Variants in UVRAG observed in about 807,000 individuals in gnomAD.
The protein encoded by UVRAG is UV radiation resistance associated, also known as UV radiation resistance-associated gene protein.
In UVRAG, 19 loss-of-function variants were observed where a neutral mutation model predicts 78.0. The observed-to-expected ratio is 0.24, with a 90% CI of 0.17 to 0.36. UVRAG has a LOEUF of 0.36. UVRAG is among the 10% of genes least tolerant of loss of function. The probability of loss-of-function intolerance (pLI) is 1.00; values close to 1 mark genes in which losing one functional copy is unlikely to be tolerated. For missense variants in UVRAG, 740 were observed against 853.8 expected (o/e 0.87, Z 1.66); for synonymous variants, 323 against 324.6 (o/e 1.00, Z 0.05).
chr11:75,875,463 T>C (rs1946748733), intron 3 of UVRAG, among the ~76,000 whole-genome samples: 1 of 151,108 alleles, frequency 6.6e-6, no homozygotes, highest in African/African-American at 2.5e-5. Context: ...TTTAAACCTG[T>C]GAATTAGTTT....
intron 4 of UVRAG, among the ~76,000 whole-genome samples, chr11:75,887,703 T>C (rs1947117222): frequency 1.3e-5 from 2 of 152,258 alleles, no homozygotes; most frequent in South Asian, 4.1e-4. Flanking sequence ...CGCCTTGGCC[T>C]CCCAAAGTGC....
In UVRAG at chr11:75,949,782, TAC is replaced by T. The variant is rs35811055; in HGVS notation, c.594-11650_594-11649del. On this transcript the variant is annotated intron_variant, in intron 6 of 14. Coordinates refer to ENST00000356136, the MANE Select transcript of UVRAG (RefSeq NM_003369.4). ...ATGTATACATATATACACATATATA[TAC>T]ACACACACACATATACACACAGTTT... Among the ~76,000 whole-genome samples, 222 of 150,294 alleles carry T rather than the reference TAC, an allele frequency of 1.5e-3. 1 individual carries two copies. The highest frequency in any genetic ancestry group is 2.7e-3 in the African/African-American group (111 of 40,868).
At chr11:76,039,319 G>A (rs1408986045) in intron 12 of UVRAG, among the ~76,000 whole-genome samples, 1 of 152,076 alleles carries the variant, frequency 6.6e-6, no homozygotes, top group Non-Finnish European at 1.5e-5. Flanking sequence ...GAAAATGAAA[G>A]GAATTTCCTT....
chr11:75,922,089 A>T (rs1947992384), intron 6 of UVRAG, among the ~76,000 whole-genome samples: 1 of 152,100 alleles, frequency 6.6e-6, no homozygotes, highest in Non-Finnish European at 1.5e-5. Flanking sequence ...GACCAATCTT[A>T]TTGGAATTTT....
chr11:76,060,406 T>C (rs1951060399), intron 12 of UVRAG, among the ~76,000 whole-genome samples: 1 of 152,254 alleles, frequency 6.6e-6, no homozygotes, highest in Admixed American at 6.5e-5. Flanking sequence ...GGTGACAGCG[T>C]GCTGACAGCC....
At chr11:76,079,938 G>C (rs764766287) in intron 13 of UVRAG, among the ~76,000 whole-genome samples, 4 of 152,234 alleles carry the variant, frequency 2.6e-5, no homozygotes, top group Admixed American at 2.0e-4. Flanking sequence ...AATTAATAAA[G>C]AAAAGAGATT....
At chr11:75,816,148 T>C (rs1945259003) in intron 1 of UVRAG, among the ~76,000 whole-genome samples, 1 of 152,208 alleles carries the variant, frequency 6.6e-6, no homozygotes, top group Non-Finnish European at 1.5e-5. Context: ...ACTTTTTCCT[T>C]CTTCATTCCC....
At chr11:76,113,516 ATAG>A (rs1308476363) in intron 13 of UVRAG, among the ~76,000 whole-genome samples, 1 of 151,002 alleles carries the variant, frequency 6.6e-6, no homozygotes, top group East Asian at 1.9e-4. Flanking sequence ...TTTGGGGTAG[ATAG>A]TAGAGCAGAG....
intron 1 of UVRAG, among the ~76,000 whole-genome samples, chr11:75,836,419 G>A (rs1246788882): frequency 6.6e-6 from 1 of 152,130 alleles, no homozygotes; most frequent in Non-Finnish European, 1.5e-5. Context: ...TCAAGATTTG[G>A]ACACAGGCTT....
At chr11:75,878,026 G>T (rs917427803) in intron 3 of UVRAG, among the ~76,000 whole-genome samples, 1 of 151,328 alleles carries the variant, frequency 6.6e-6, no homozygotes, top group Non-Finnish European at 1.5e-5. Flanking sequence ...TCCCAGACGG[G>T]GTGGCTGCCG....
At chr11:75,828,625 C>T (rs1430444003) in intron 1 of UVRAG, among the ~76,000 whole-genome samples, 7 of 149,686 alleles carry the variant, frequency 4.7e-5, no homozygotes, top group African/African-American at 7.4e-5. Flanking sequence ...ACTACAGGCA[C>T]GCACCACCAT....
intron 6 of UVRAG, among the ~76,000 whole-genome samples, chr11:75,942,733 G>C (rs1035867894): frequency 6.6e-6 from 1 of 152,162 alleles, no homozygotes; most frequent in Non-Finnish European, 1.5e-5. Context: ...TACAAAGGAA[G>C]AAGACAAGAA....
In UVRAG at chr11:76,141,435, A is replaced by G; in HGVS notation, c.*22A>G. On this transcript the variant is annotated 3_prime_UTR_variant, in exon 15 of 15. Transcript: ENST00000356136. ...GTGAAGTGAGCAGGTCAACAGTAGGACTGGGGCAGAAGCTCTGCCTAAAAT... is the reference window on the plus strand; with the variant it reads ...GTGAAGTGAGCAGGTCAACAGTAGGGCTGGGGCAGAAGCTCTGCCTAAAAT... The G allele has an allele frequency of 6.2e-7, 1 of 1,601,144 alleles. No homozygotes were observed. Among genetic ancestry groups the G allele is most frequent in the South Asian group, 1.1e-5 (1 of 90,076 alleles).
intron 13 of UVRAG, among the ~76,000 whole-genome samples, chr11:76,112,359 T>A (rs1315758734): frequency 2.0e-5 from 3 of 152,112 alleles, no homozygotes; most frequent in African/African-American, 7.2e-5. Context: ...CATTCAAGTA[T>A]AAGAATGGAA....
rs112813986 is a variant in UVRAG, at chr11:76,087,348, C to T, written c.1305+21560C>T. Among the ~76,000 whole-genome samples the T allele has an allele frequency of 1.7e-3, 263 of 152,244 alleles. 1 individual carries two copies. Among genetic ancestry groups the T allele is most frequent in the African/African-American group, 6.1e-3 (252 of 41,534 alleles). On this transcript the variant is annotated intron_variant, in intron 13 of 14. Coordinates refer to ENST00000356136, the MANE Select transcript of UVRAG (RefSeq NM_003369.4). ...GGTAGGTAGTGTTTTTAAATTTTGT[C>T]CCTACTTTGTTTTCTTTTCCTTAGA...
intron 6 of UVRAG, among the ~76,000 whole-genome samples, chr11:75,934,043 C>G (rs1591035362): frequency 6.6e-6 from 1 of 152,130 alleles, no homozygotes; most frequent in East Asian, 1.9e-4. Flanking sequence ...CAAAGAGATA[C>G]CTGTACTCCC....
chr11:75,949,714 T>TATATACACACACACAC (rs59607906), intron 6 of UVRAG, among the ~76,000 whole-genome samples: 1 of 136,874 alleles, frequency 7.3e-6, no homozygotes, highest in African/African-American at 2.9e-5. Flanking sequence ...TATATATATA[T>TATATACACACACACAC]ACACACACAC....
chr11:75,921,188 C>T (rs894822381), intron 6 of UVRAG, among the ~76,000 whole-genome samples: 4 of 152,144 alleles, frequency 2.6e-5, no homozygotes, highest in Non-Finnish European at 5.9e-5. Flanking sequence ...AAATAAATGG[C>T]ATTACTCCTT....
intron 1 of UVRAG, among the ~76,000 whole-genome samples, chr11:75,816,380 T>C (rs1470166704): frequency 6.6e-6 from 1 of 152,180 alleles, no homozygotes; most frequent in African/African-American, 2.4e-5. Context: ...CAAGGGGAGA[T>C]TTTGCAGGAA....
Sources: gnomAD v4.1 joint callset for allele counts (sites outside exome capture counted in the v4.1 genomes callset) on GRCh38, gnomAD v4.1.1 for gene constraint, MANE v1.5 for transcripts, NCBI Gene and HGNC (gene_info 2026-07-23, HGNC 2026-07-21) for gene names.